The following CCNG1 variants were observed in gnomAD, a reference collection of about 807,000 sequenced individuals.
CCNG1 encodes the protein cyclin G1, also known as cyclin-G1.
A neutral mutation model predicts 30.0 loss-of-function variants in CCNG1; 13 were observed. The observed-to-expected ratio is 0.43, with a 90% CI of 0.28 to 0.69. The LOEUF (loss-of-function observed/expected upper bound fraction) is 0.69, where lower values mean the gene tolerates loss of function less well. Among genes scored for constraint, CCNG1 ranks in the 30% least tolerant of loss-of-function variants. The probability of loss-of-function intolerance (pLI) is 0.16; values close to 1 mark genes in which losing one functional copy is unlikely to be tolerated. For synonymous variants in CCNG1, 110 were observed against 121.5 expected, an observed-to-expected ratio of 0.91 and a Z score of 0.62; for missense variants, 285 against 331.4, an observed-to-expected ratio of 0.86 and a Z score of 1.09.
intron 6 of CCNG1, among the ~76,000 whole-genome samples, 160 bp from the exon 7 acceptor site, chr5:163,443,510 CCTAA>C (rs1757933550): frequency 1.3e-5 from 2 of 152,060 alleles, no homozygotes; most frequent in African/African-American, 2.4e-5. Flanking sequence ...ATATAAATTT[CCTAA>C]CTCAGTGATG....
chr5:163,438,065 A>C (rs1053737790), intron 1 of CCNG1, among the ~76,000 whole-genome samples: 1 of 152,124 alleles, frequency 6.6e-6, no homozygotes, highest in Non-Finnish European at 1.5e-5. Flanking sequence ...GGTTCCTCAC[A>C]TGACTAGCTC....
chr5:163,449,493 T>C (rs1020248232), downstream of CCNG1: 1 of 152,340 alleles, frequency 6.6e-6, no homozygotes, highest in African/African-American at 2.4e-5. Flanking sequence ...AGATACCTCA[T>C]GTTCATGGAT....
chr5:163,457,347 G>A, the CCNG1 span, among the ~76,000 whole-genome samples: 1 of 151,992 alleles, frequency 6.6e-6, no homozygotes, highest in African/African-American at 2.4e-5. Context: ...GGCCAGGGTG[G>A]TCTCAAGAAG....
the CCNG1 span, among the ~76,000 whole-genome samples, chr5:163,454,572 C>T: frequency 1.3e-5 from 2 of 152,176 alleles, no homozygotes; most frequent in Non-Finnish European, 2.9e-5. Context: ...AACTCCCAAC[C>T]TCCGGTGATC....
intron 2 of CCNG1, 170 bp downstream of exon 2, chr5:163,439,690 C>T (rs893485379): frequency 3.7e-5 from 22 of 587,058 alleles, no homozygotes; most frequent in Non-Finnish European, 5.9e-5. Context: ...AAGAGTAGTA[C>T]ATCAGGTATT....
the CCNG1 span, chr5:163,453,142 CTG>C: frequency 6.6e-6 from 1 of 152,144 alleles, no homozygotes; most frequent in Admixed American, 6.5e-5. Flanking sequence ...AAAAAATTAT[CTG>C]TAACTTTTCT....
At chr5:163,437,915 C>T (rs983577139) in intron 1 of CCNG1, 111 bp downstream of exon 1, 3 of 152,182 alleles carry the variant, frequency 2.0e-5, no homozygotes, top group Non-Finnish European at 2.9e-5. Context: ...TAAACTCTAC[C>T]GCTGTTGTGA....
chr5:163,443,977 C>A lies in CCNG1; in HGVS notation c.*307C>A. On this transcript the variant is annotated 3_prime_UTR_variant, in exon 7 of 7. Transcript: ENST00000340828. ...ATTGATCTAACTTTAGATATTGGAT[C>A]AATATATTTAGGTGGTATTGAAAAT... The A allele has an allele frequency of 2.5e-6, 1 of 395,616 alleles. No individual in the cohort carries two copies. Among genetic ancestry groups the A allele is most frequent in the South Asian group, 4.4e-5 (1 of 22,922 alleles). 24.5% of individuals were successfully genotyped at this position (395,616 alleles called of 1,614,324 possible).
chr5:163,454,048 AT>A, the CCNG1 span: 1 of 1,520,714 alleles, frequency 6.6e-7, no homozygotes. Flanking sequence ...CAAAACCAGG[AT>A]TCTAAAAGAT....
intron 2 of CCNG1, among the ~76,000 whole-genome samples, chr5:163,440,476 A>G (rs1310269349): frequency 6.6e-6 from 1 of 152,182 alleles, no homozygotes; most frequent in Non-Finnish European, 1.5e-5. Flanking sequence ...GCACAGAGAT[A>G]TTAATACTGG....
the CCNG1 span, chr5:163,452,551 G>A: frequency 7.2e-5 from 11 of 152,032 alleles, no homozygotes; most frequent in East Asian, 1.7e-3. Flanking sequence ...ATAGAGATAC[G>A]ATAAATTTAA....
downstream of CCNG1, chr5:163,447,687 C>T (rs1161832913): frequency 6.6e-6 from 1 of 152,062 alleles, no homozygotes; most frequent in Non-Finnish European, 1.5e-5. Context: ...GGAACACTCA[C>T]CAAGATAAAC....
chr5:163,455,097 G>A, the CCNG1 span, among the ~76,000 whole-genome samples: 3 of 151,876 alleles, frequency 2.0e-5, no homozygotes, highest in East Asian at 5.8e-4. Flanking sequence ...CCCAAGGGCT[G>A]TAGTTTGCCA....
At position 163,443,711 on chromosome 5, in the gene CCNG1, C is replaced by A; in HGVS notation, c.*41C>A. On this transcript the variant is annotated 3_prime_UTR_variant, in exon 7 of 7. Transcript: ENST00000340828. Reference sequence around the variant, plus strand: ...ACCAAAAAACTTCTCTGAAGCCTTTCTCCACAACCTTGTTCTATGGATTCC... The same window carrying A: ...ACCAAAAAACTTCTCTGAAGCCTTTATCCACAACCTTGTTCTATGGATTCC... The A allele has an allele frequency of 6.5e-7, 1 of 1,531,246 alleles. No homozygotes were observed. The highest frequency in any genetic ancestry group is 1.2e-5 in the South Asian group (1 of 83,912). The allele number at this position is 1,531,246 out of a possible 1,614,324, so 94.9% of individuals were successfully genotyped here.
rs991693747 is a variant in CCNG1 at position 163,437,648 on chromosome 5, C to G, written c.-157C>G. ...GGGCCGAGTTGTCTCGGCGGCGCTG[C>G]CGAGGCCTCCACCCAGGACAGTCCC... On this transcript the variant is annotated 5_prime_UTR_variant, in exon 1 of 7. Coordinates refer to ENST00000340828, the MANE Select transcript of CCNG1 (RefSeq NM_004060.4). 2 of 152,286 alleles carry G rather than the reference C, an allele frequency of 1.3e-5. No individual in the cohort carries two copies. The highest frequency in any genetic ancestry group is 2.9e-5 in the Non-Finnish European group (2 of 68,162). The allele number at this position is 152,286 out of a possible 1,614,324, so 9.4% of individuals were successfully genotyped here.
chr5:163,441,375 A>G lies in CCNG1; in HGVS notation c.518+44A>G, dbSNP rs766737066. 7 of 1,544,594 alleles carry G rather than the reference A, an allele frequency of 4.5e-6. No individual in the cohort carries two copies. In the East Asian group the frequency reaches 1.6e-4, roughly 35 times the overall value. On this transcript the variant is annotated intron_variant, in intron 3 of 6. Coordinates refer to ENST00000340828, the MANE Select transcript of CCNG1 (RefSeq NM_004060.4). ...GAACAAGAGACATTTGGAAATCAGA[A>G]TGGTATTGTATGGATATTGCATAAA...
downstream of CCNG1, among the ~76,000 whole-genome samples, chr5:163,445,240 ATATT>A (rs1230927178): frequency 6.6e-6 from 1 of 152,178 alleles, no homozygotes; most frequent in Non-Finnish European, 1.5e-5. Context: ...TCTACTCAGT[ATATT>A]TAAATTTAGT....
Position 163,442,519 on chromosome 5 carries a change from A to G in CCNG1, c.842A>G (p.Tyr281Cys), listed in dbSNP as rs1333425019. The G allele has an allele frequency of 6.2e-6, 10 of 1,613,154 alleles. No individual in the cohort carries two copies. Among genetic ancestry groups the G allele is most frequent in the Non-Finnish European group, 8.5e-6 (10 of 1,179,646 alleles). Reference protein sequence around the residue: ...GRTARQLKHSYYRITHLPTIP... With the variant: ...GRTARQLKHSCYRITHLPTIP... ...ACTGCACGGCAATTGAAGCATAGCT[A>G]CTACAGAATAACTCACCTTCCAACA... Residue 281 changes from tyrosine (Y) to cysteine (C), a missense_variant, in exon 6 of 7, where the codon TAC becomes TGC. Physicochemically the swap from Tyr to Cys is radical, Grantham distance 194. Transcript: ENST00000340828.
chr5:163,442,278 C>T (rs1757855168), intron 5 of CCNG1, 96 bp from the exon 6 acceptor site: 1 of 1,141,706 alleles, frequency 8.8e-7, no homozygotes, highest in African/African-American at 1.6e-5. Flanking sequence ...TTTTAATGAG[C>T]AAAGACACAT....
Sources: allele counts gnomAD v4.1 joint callset (sites outside exome capture counted in the v4.1 genomes callset), GRCh38; gene constraint gnomAD v4.1.1; transcripts MANE v1.5; gene names NCBI Gene and HGNC (gene_info 2026-07-23, HGNC 2026-07-21).